Variants in ERBB4 observed in about 807,000 individuals in gnomAD.
ERBB4 encodes the protein erb-b2 receptor tyrosine kinase 4.
ERBB4 carries 42 observed loss-of-function variants against 158.0 expected under a neutral mutation model. That is an observed-to-expected ratio of 0.27 (90% CI 0.21 to 0.34). The LOEUF is 0.34. Ranked by LOEUF, ERBB4 falls within the 10% of genes least tolerant of loss-of-function variation. The pLI is 1.00. For synonymous variants in ERBB4, 583 were observed against 558.7 expected, an observed-to-expected ratio of 1.04 and a Z score of -0.61; for missense variants, 1,333 against 1,624.1, an observed-to-expected ratio of 0.82 and a Z score of 3.08.
At chr2:211,683,568 TTATC>T (rs1559415037) in intron 12 of ERBB4, among the ~76,000 whole-genome samples, 1 of 152,192 alleles carries the variant, frequency 6.6e-6, no homozygotes, top group Non-Finnish European at 1.5e-5. Flanking sequence ...TACAATTTGT[TTATC>T]TATTTACCCA....
intron 1 of ERBB4, among the ~76,000 whole-genome samples, chr2:212,254,398 C>T (rs1369312938): frequency 6.6e-6 from 1 of 152,080 alleles, no homozygotes; most frequent in Non-Finnish European, 1.5e-5. Context: ...ACAAACAACT[C>T]GAATAGTGTT....
intron 1 of ERBB4, among the ~76,000 whole-genome samples, chr2:212,329,345 C>T (rs1002737954): frequency 6.6e-6 from 1 of 151,950 alleles, no homozygotes; most frequent in Admixed American, 6.6e-5. Flanking sequence ...TATAGAATTG[C>T]TTTTTTAGCT....
chr2:212,461,931 C>T (rs187045658), intron 1 of ERBB4, among the ~76,000 whole-genome samples: 75 of 152,288 alleles, frequency 4.9e-4, no homozygotes, highest in Admixed American at 2.0e-3. Context: ...CCATGTAAGA[C>T]GTGACTTGCT....
Position 211,675,124 on chromosome 2 carries a change from G to A in ERBB4, c.1623-1867C>T, listed in dbSNP as rs191238375. On this transcript the variant is annotated intron_variant, in intron 13 of 27. Transcript: ENST00000342788. ...TTCTCTTTTTCTTTCCTGTCCTCTA[G>A]TGATTCTATTGTGACTTTGCCAGAG... Among the ~76,000 whole-genome samples the A allele has an allele frequency of 2.6e-5, 4 of 152,088 alleles. No individual in the cohort carries two copies. In the East Asian group the frequency reaches 7.7e-4, roughly 29 times the overall value.
At chr2:211,686,010 T>C (rs2072550114) in intron 12 of ERBB4, among the ~76,000 whole-genome samples, 1 of 152,110 alleles carries the variant, frequency 6.6e-6, no homozygotes, top group African/African-American at 2.4e-5. Flanking sequence ...TTTTAGGAGG[T>C]TTTTGTAGAT....
At chr2:211,415,335 G>A (rs1360538072) in intron 25 of ERBB4, among the ~76,000 whole-genome samples, 3 of 151,578 alleles carry the variant, frequency 2.0e-5, no homozygotes, top group African/African-American at 7.3e-5. Context: ...TAGCCAGGAT[G>A]GTCTCGATCT....
intron 3 of ERBB4, among the ~76,000 whole-genome samples, chr2:211,835,517 T>C (rs2077322213): frequency 6.6e-6 from 1 of 152,138 alleles, no homozygotes; most frequent in African/African-American, 2.4e-5. Context: ...ATTTTTTTTA[T>C]TTTGAATGGT....
In ERBB4 at chr2:211,580,827, T is replaced by TA. The variant is rs2068060742; in HGVS notation, c.2302-18740dup. On this transcript the variant is annotated intron_variant, in intron 19 of 27. Transcript: ENST00000342788. ...ATATATATATAATATATATATATTA[T>TA]ATATATAGATTATATATTATATATA... 3.0e-4 allele frequency among the ~76,000 whole-genome samples: 11 copies of TA among 36,626 alleles called. 1 individual carries two copies. The South Asian group carries it at 0.012, about 39-fold the overall frequency. 24.0% of individuals were successfully genotyped at this position (36,626 alleles called of 152,430 possible).
At chr2:212,079,038 T>A (rs559259370) in intron 2 of ERBB4, among the ~76,000 whole-genome samples, 7 of 151,384 alleles carry the variant, frequency 4.6e-5, no homozygotes, top group African/African-American at 1.7e-4. Context: ...ATTTTTATAT[T>A]ATCCATAAAG....
intron 12 of ERBB4, among the ~76,000 whole-genome samples, chr2:211,697,684 T>G (rs182426700): frequency 8.9e-4 from 135 of 152,324 alleles, no homozygotes; most frequent in Non-Finnish European, 1.5e-3. Flanking sequence ...AATACTTCTT[T>G]TCTTCTTTCA....
At chr2:211,721,254 T>C (rs1315846190) in intron 7 of ERBB4, among the ~76,000 whole-genome samples, 1 of 152,108 alleles carries the variant, frequency 6.6e-6, no homozygotes, top group East Asian at 1.9e-4. Context: ...TTGGAGCATT[T>C]CAGATTTTGG....
rs375732072 is a variant in ERBB4, at chr2:212,197,778, C to T, written c.83-72875G>A. Among the ~76,000 whole-genome samples, 5 of 152,138 alleles carry T rather than the reference C, an allele frequency of 3.3e-5. No individual in the cohort carries two copies. In the South Asian group the frequency reaches 1.0e-3, roughly 32 times the overall value. On this transcript the variant is annotated intron_variant, in intron 1 of 27. Transcript: ENST00000342788. ...TAGCTAAGTAGCATTTTTGAAGGGT[C>T]TATGAAAAAGTGAATTAGGGAGCAT... is the stretch of plus-strand genomic sequence containing the variant.
chr2:212,440,968 G>A (rs1574922510), intron 1 of ERBB4, among the ~76,000 whole-genome samples: 2 of 152,270 alleles, frequency 1.3e-5, no homozygotes, highest in South Asian at 4.1e-4. Context: ...TTGCCCTGAG[G>A]GAGAGTCTTA....
intron 7 of ERBB4, among the ~76,000 whole-genome samples, chr2:211,716,492 C>G (rs1157801681): frequency 6.6e-6 from 1 of 150,588 alleles, no homozygotes; most frequent in Admixed American, 6.6e-5. Context: ...CCGGCTAACA[C>G]GGTGAAACCC....
chr2:211,738,770 G>A (rs1414583264), intron 5 of ERBB4, among the ~76,000 whole-genome samples: 2 of 151,550 alleles, frequency 1.3e-5, no homozygotes, highest in African/African-American at 4.9e-5. Context: ...GGGTTCAAGC[G>A]ATTCTCATGC....
intron 2 of ERBB4, among the ~76,000 whole-genome samples, chr2:212,068,389 G>C (rs1283275918): frequency 6.6e-6 from 1 of 151,976 alleles, no homozygotes; most frequent in Non-Finnish European, 1.5e-5. Flanking sequence ...TCCCAACACA[G>C]CCGACTAAAA....
At chr2:211,772,940 T>TACACACACAC (rs1172044868) in intron 4 of ERBB4, among the ~76,000 whole-genome samples, 36 of 92,128 alleles carry the variant, frequency 3.9e-4, no homozygotes, top group African/African-American at 1.4e-3. Context: ...TATATATATA[T>TACACACACAC]ATATATATAT....
chr2:211,857,170 T>TGC (rs1218628666), intron 3 of ERBB4, among the ~76,000 whole-genome samples: 2 of 151,284 alleles, frequency 1.3e-5, no homozygotes, highest in African/African-American at 2.4e-5. Flanking sequence ...TGTGTGTGTG[T>TGC]GTGTGTTTGT....
At chr2:212,355,210 G>C (rs567914621) in intron 1 of ERBB4, among the ~76,000 whole-genome samples, 1 of 151,936 alleles carries the variant, frequency 6.6e-6, no homozygotes, top group African/African-American at 2.4e-5. Context: ...ATTTTACCTT[G>C]TATTTTATAA....
Sources: allele counts gnomAD v4.1 joint callset (sites outside exome capture counted in the v4.1 genomes callset), GRCh38; gene constraint gnomAD v4.1.1; transcripts MANE v1.5; gene names NCBI Gene and HGNC (gene_info 2026-07-23, HGNC 2026-07-21).